Variants in PNKD observed in about 807,000 individuals in gnomAD.
The protein encoded by PNKD is probable thioesterase PNKD.
Under a neutral mutation model 45.3 loss-of-function variants are expected in PNKD, and 36 were observed. The ratio of observed to expected loss-of-function variants is 0.80; its 90% CI spans 0.61 to 1.05. PNKD has a LOEUF of 1.05. Among genes scored for constraint, PNKD ranks in the 50% least tolerant of loss-of-function variants. The pLI is 0.00. For missense variants in PNKD, 511 were observed against 506.6 expected (o/e 1.01, Z -0.08); for synonymous variants, 197 against 210.1 (o/e 0.94, Z 0.54).
rs1411677869 is a variant in PNKD, at chr2:218,326,138, C to G, written c.237-13645C>G. 2.0e-5 allele frequency among the ~76,000 whole-genome samples: 3 copies of G among 151,860 alleles called. No homozygotes were observed. Among genetic ancestry groups the G allele is most frequent in the Non-Finnish European group, 4.4e-5 (3 of 67,976 alleles). On this transcript the variant is annotated intron_variant, in intron 2 of 9. Coordinates refer to ENST00000273077, the MANE Select transcript of PNKD (RefSeq NM_015488.5). The surrounding 1 kb of genome is among the most constrained non-coding windows in gnomAD (Gnocchi z 4.1). The stretch of plus-strand genomic sequence containing the variant: ...ATGCACTACCAACCTGAAGGTGTGG[C>G]TGGGAGGATCGCAAATAGAGGATTC...
intron 2 of PNKD, among the ~76,000 whole-genome samples, chr2:218,293,887 A>G (rs534798260): frequency 8.8e-5 from 13 of 148,438 alleles, no homozygotes; most frequent in Non-Finnish European, 1.3e-4. Flanking sequence ...TGCTAGGATT[A>G]CAGACATGAG....
At chr2:218,277,258 TGAG>T (rs1415643263) in intron 2 of PNKD, 10 of 1,187,218 alleles carry the variant, frequency 8.4e-6, no homozygotes, top group Admixed American at 1.7e-5. Context: ...TAGGTGCGGA[TGAG>T]GAGAAGGGGA....
chr2:218,277,435 G>A (rs528624758), intron 2 of PNKD: 43 of 1,614,162 alleles, frequency 2.7e-5, no homozygotes, highest in South Asian at 2.0e-4. Flanking sequence ...CAATGATGAC[G>A]GCTTTGGTTT....
intron 2 of PNKD, chr2:218,323,423 C>T: frequency 6.4e-7 from 1 of 1,566,440 alleles, no homozygotes; most frequent in Non-Finnish European, 8.6e-7. Context: ...GGCTGCTCTT[C>T]CGAATCGGGT....
intron 2 of PNKD, among the ~76,000 whole-genome samples, chr2:218,321,334 A>G (rs921514782): frequency 3.3e-5 from 5 of 152,152 alleles, no homozygotes; most frequent in Admixed American, 6.5e-5. Context: ...GTCATCTGCA[A>G]ATTGGCTTAT....
chr2:218,277,898 G>GC lies in PNKD; in HGVS notation c.236+6350dup, dbSNP rs962684691. The GC allele has an allele frequency of 3.1e-6, 5 of 1,613,608 alleles. No homozygotes were observed. The African/African-American group carries it at 5.3e-5, about 17-fold the overall frequency. On this transcript the variant is annotated intron_variant, in intron 2 of 9. Transcript: ENST00000273077. Reference sequence around the variant, plus strand: ...TTCCCTGGGAGCAGTCTCCCTCACAGCATCTCCACACCCTCCTGCCACCCT... The same window carrying GC: ...TTCCCTGGGAGCAGTCTCCCTCACAGCCATCTCCACACCCTCCTGCCACCCT...
rs186334488 is a variant in PNKD at position 218,333,917 on chromosome 2, C to A, written c.237-5866C>A. ...ATCACCTGAAGTCAGGAGTTCCAGA[C>A]CAGCTTGGCCAACATGGTGAAACCC... On this transcript the variant is annotated intron_variant, in intron 2 of 9. Transcript: ENST00000273077. 5.5e-3 allele frequency among the ~76,000 whole-genome samples: 734 copies of A among 132,442 alleles called. 14 individuals carry two copies. The highest frequency in any genetic ancestry group is 0.019 in the African/African-American group (692 of 36,338). The allele number at this position is 132,442 out of a possible 152,430, so 86.9% of individuals were successfully genotyped here.
intron 2 of PNKD, among the ~76,000 whole-genome samples, chr2:218,315,012 T>TTTTG (rs1693738680): frequency 4.9e-4 from 2 of 4,052 alleles, no homozygotes; most frequent in African/African-American, 1.6e-3. Context: ...CTTTCTTTCT[T>TTTTG]TTTCTTTCTT....
intron 2 of PNKD, among the ~76,000 whole-genome samples, chr2:218,278,756 G>GA (rs1691534039): frequency 1.3e-5 from 2 of 152,236 alleles, no homozygotes. Context: ...CTCCGGCCAG[G>GA]AAGGAGGTCT....
chr2:218,307,094 C>G (rs537037179), intron 2 of PNKD, among the ~76,000 whole-genome samples: 24 of 152,164 alleles, frequency 1.6e-4, no homozygotes, highest in African/African-American at 5.8e-4. Context: ...GTTGGCAGAC[C>G]TGAAGGAGAG....
chr2:218,281,133 T>TG (rs1232703146), intron 2 of PNKD: 2 of 129,406 alleles, frequency 1.5e-5, no homozygotes, highest in African/African-American at 5.2e-5. Flanking sequence ...TTTTTTGTTT[T>TG]TTTTTTGGTT....
intron 2 of PNKD, chr2:218,279,957 G>T: frequency 8.7e-7 from 1 of 1,153,820 alleles, no homozygotes. Flanking sequence ...GGCTACTGTG[G>T]CCTACCCACT....
intron 2 of PNKD, among the ~76,000 whole-genome samples, chr2:218,338,460 CAAA>C (rs200743728): frequency 6.9e-5 from 7 of 100,760 alleles, no homozygotes; most frequent in Non-Finnish European, 1.0e-4. Flanking sequence ...GACTCTGTCT[CAAA>C]AAAAAAAAAA....
chr2:218,277,916 G>A, intron 2 of PNKD: 1 of 1,614,062 alleles, frequency 6.2e-7, no homozygotes, highest in South Asian at 1.1e-5. Flanking sequence ...ACACCCTCCT[G>A]CCACCCTTCT....
intron 2 of PNKD, among the ~76,000 whole-genome samples, chr2:218,329,517 G>A (rs1694257809): frequency 6.6e-6 from 1 of 152,232 alleles, no homozygotes; most frequent in Non-Finnish European, 1.5e-5. Context: ...CTGTGCTTCT[G>A]GTCCTAGCCA....
At chr2:218,341,070 T>C (rs1694659674) in intron 5 of PNKD, among the ~76,000 whole-genome samples, 1 of 152,208 alleles carries the variant, frequency 6.6e-6, no homozygotes, top group Non-Finnish European at 1.5e-5. Context: ...GGACAAAAGT[T>C]ATGACTCTTC....
intron 2 of PNKD, among the ~76,000 whole-genome samples, chr2:218,283,685 T>C (rs751894684): frequency 3.3e-5 from 5 of 152,096 alleles, no homozygotes; most frequent in Non-Finnish European, 7.4e-5. Flanking sequence ...GGGGATCAAA[T>C]AAAGGACTGT....
intron 2 of PNKD, among the ~76,000 whole-genome samples, chr2:218,339,219 G>A (rs560611342): frequency 2.0e-5 from 3 of 152,076 alleles, no homozygotes; most frequent in Non-Finnish European, 4.4e-5. Context: ...CACTTCATCA[G>A]AGGTGCTAGA....
intron 2 of PNKD, among the ~76,000 whole-genome samples, chr2:218,307,997 G>A (rs1222055187): frequency 6.6e-6 from 1 of 152,086 alleles, no homozygotes; most frequent in Non-Finnish European, 1.5e-5. Flanking sequence ...GAGAATGGAC[G>A]TGAAGTGAAA....
Sources: allele counts gnomAD v4.1 joint callset (sites outside exome capture counted in the v4.1 genomes callset), GRCh38; gene constraint gnomAD v4.1.1; non-coding constraint Gnocchi (gnomAD v3.1); transcripts MANE v1.5; gene names NCBI Gene and HGNC (gene_info 2026-07-23, HGNC 2026-07-21).